The following PLXDC2 variants were observed in gnomAD, a reference collection of about 807,000 sequenced individuals.
PLXDC2 encodes plexin domain-containing protein 2.
Under a neutral mutation model 68.9 loss-of-function variants are expected in PLXDC2, and 40 were observed. The observed-to-expected ratio is 0.58, with a 90% CI of 0.45 to 0.76. The LOEUF (loss-of-function observed/expected upper bound fraction) is 0.76, where lower values mean the gene tolerates loss of function less well. PLXDC2 is among the 30% of genes least tolerant of loss of function. The probability of loss-of-function intolerance (pLI) is 0.00; values close to 1 mark genes in which losing one functional copy is unlikely to be tolerated. For missense variants in PLXDC2, 644 were observed against 661.9 expected (o/e 0.97, Z 0.30); for synonymous variants, 243 against 234.2 (o/e 1.04, Z -0.34).
At chr10:20,181,092 G>A (rs992609996) in intron 9 of PLXDC2, among the ~76,000 whole-genome samples, 4 of 152,172 alleles carry the variant, frequency 2.6e-5, no homozygotes, top group African/African-American at 7.2e-5. Context: ...ATAGTGATGA[G>A]TGTTATGGTA....
intron 1 of PLXDC2, among the ~76,000 whole-genome samples, chr10:19,928,858 G>T (rs1183680777): frequency 6.7e-6 from 1 of 149,732 alleles, no homozygotes; most frequent in African/African-American, 2.5e-5. Context: ...GGGTTCAAGT[G>T]ATTCTATTGC....
intron 13 of PLXDC2, among the ~76,000 whole-genome samples, chr10:20,261,581 G>T (rs376036410): frequency 6.6e-6 from 1 of 152,140 alleles, no homozygotes; most frequent in Non-Finnish European, 1.5e-5. Context: ...TCTGCCGGGG[G>T]TAGTGGCTCA....
At chr10:20,006,566 C>T (rs1168675030) in intron 2 of PLXDC2, among the ~76,000 whole-genome samples, 1 of 152,090 alleles carries the variant, frequency 6.6e-6, no homozygotes, top group East Asian at 1.9e-4. Flanking sequence ...TTATGTTCTA[C>T]TTTAACTTAA....
At chr10:20,178,321 T>C (rs1448097419) in intron 9 of PLXDC2, among the ~76,000 whole-genome samples, 1 of 152,106 alleles carries the variant, frequency 6.6e-6, no homozygotes, top group East Asian at 1.9e-4. Context: ...AGAGACTGAA[T>C]AATCATTTGT....
intron 2 of PLXDC2, among the ~76,000 whole-genome samples, chr10:20,015,204 G>T (rs1835190137): frequency 6.6e-6 from 1 of 152,172 alleles, no homozygotes; most frequent in African/African-American, 2.4e-5. Flanking sequence ...CTTCCTTTGG[G>T]CTGCAGTTGC....
intron 1 of PLXDC2, among the ~76,000 whole-genome samples, chr10:19,865,263 C>T (rs919005733): frequency 1.3e-5 from 2 of 152,184 alleles, no homozygotes; most frequent in African/African-American, 4.8e-5. Flanking sequence ...AGTGGCTTCT[C>T]TCCTGGGTGA....
chr10:20,161,042 T>C (rs1834284257), intron 6 of PLXDC2, among the ~76,000 whole-genome samples: 1 of 152,188 alleles, frequency 6.6e-6, no homozygotes, highest in Non-Finnish European at 1.5e-5. Context: ...CAATACTACC[T>C]CATTTTATGG....
intron 1 of PLXDC2, among the ~76,000 whole-genome samples, chr10:19,993,456 G>A (rs1418069429): frequency 6.6e-6 from 1 of 152,080 alleles, no homozygotes. Context: ...ATCTCACTCT[G>A]TGTCCATGGC....
At position 19,872,360 on chromosome 10, in the gene PLXDC2, A is replaced by T. The variant is rs1272392485; in HGVS notation, c.112+55169A>T. 3.9e-5 allele frequency among the ~76,000 whole-genome samples: 6 copies of T among 152,346 alleles called. No individual in the cohort carries two copies. In the East Asian group the frequency reaches 9.6e-4, roughly 24 times the overall value. ...CCTTGACAGTGGTGACAGCTCTATT[A>T]GAAGCCATGATAGGTCAAAATTGGC... is the stretch of plus-strand genomic sequence containing the variant. On this transcript the variant is annotated intron_variant, in intron 1 of 13. Coordinates refer to ENST00000377252, the MANE Select transcript of PLXDC2 (RefSeq NM_032812.9).
At chr10:20,019,727 G>T (rs10827927) in intron 2 of PLXDC2, among the ~76,000 whole-genome samples, 33,750 of 152,100 alleles carry the variant, frequency 0.22, 3,878 homozygotes, top group East Asian at 0.39. Flanking sequence ...ACCTGATTAT[G>T]TTGGCACCTT....
At chr10:20,234,046 C>T (rs969025632) in intron 12 of PLXDC2, among the ~76,000 whole-genome samples, 2 of 151,394 alleles carry the variant, frequency 1.3e-5, no homozygotes, top group Non-Finnish European at 2.9e-5. Context: ...AGGCTGGTCT[C>T]AAACTCCTGG....
intron 1 of PLXDC2, among the ~76,000 whole-genome samples, chr10:19,867,010 G>A (rs1837430062): frequency 6.6e-6 from 1 of 151,370 alleles, no homozygotes; most frequent in African/African-American, 2.4e-5. Flanking sequence ...TGACCCTCAG[G>A]AAGAAATTTA....
chr10:20,114,515 G>T (rs1185274921), intron 4 of PLXDC2, among the ~76,000 whole-genome samples: 2 of 152,168 alleles, frequency 1.3e-5, no homozygotes, highest in African/African-American at 2.4e-5. Context: ...ACCTAGGAAT[G>T]GATGTGAAAA....
intron 1 of PLXDC2, among the ~76,000 whole-genome samples, chr10:19,924,628 A>T (rs1833509289): frequency 6.6e-6 from 1 of 152,218 alleles, no homozygotes; most frequent in Admixed American, 6.5e-5. Flanking sequence ...GTTAAAAAAT[A>T]GATATAAAAT....
chr10:19,916,153 G>A (rs1833362911), intron 1 of PLXDC2, among the ~76,000 whole-genome samples: 1 of 145,182 alleles, frequency 6.9e-6, no homozygotes, highest in Admixed American at 6.9e-5. Flanking sequence ...TTTTTTAATG[G>A]AGTCTCACTC....
intron 9 of PLXDC2, among the ~76,000 whole-genome samples, chr10:20,193,369 GT>G (rs565222651): frequency 7.9e-4 from 120 of 152,156 alleles, no homozygotes; most frequent in Middle Eastern, 3.4e-3. Context: ...TGACTATCTG[GT>G]TTTAAGCAGT....
intron 2 of PLXDC2, among the ~76,000 whole-genome samples, chr10:20,023,395 T>C (rs1270424337): frequency 6.6e-6 from 1 of 152,110 alleles, no homozygotes; most frequent in South Asian, 2.1e-4. Context: ...CCAAAAAGCA[T>C]GTGTTTGAAA....
intron 1 of PLXDC2, among the ~76,000 whole-genome samples, chr10:19,975,319 A>G (rs1470576450): frequency 2.0e-5 from 3 of 152,018 alleles, no homozygotes; most frequent in African/African-American, 7.2e-5. Context: ...TTAGCTGGGC[A>G]TGGTGGCAGG....
intron 1 of PLXDC2, among the ~76,000 whole-genome samples, chr10:19,823,856 T>A (rs1050999361): frequency 1.3e-5 from 2 of 151,670 alleles, no homozygotes; most frequent in East Asian, 3.9e-4. Context: ...GTTTTGTTTT[T>A]AATTAGCTGT....
Sources: allele counts gnomAD v4.1 joint callset (sites outside exome capture counted in the v4.1 genomes callset), GRCh38; gene constraint gnomAD v4.1.1; transcripts MANE v1.5; gene names NCBI Gene and HGNC (gene_info 2026-07-23, HGNC 2026-07-21).